KCNQ3: variants seen among roughly 807,000 people sequenced by gnomAD.
KCNQ3 encodes the protein potassium voltage-gated channel subfamily Q member 3.
In KCNQ3, 30 loss-of-function variants were observed where a neutral mutation model predicts 92.5. The ratio of observed to expected loss-of-function variants is 0.32; its 90% CI spans 0.24 to 0.44. The LOEUF is 0.44. Among genes scored for constraint, KCNQ3 ranks in the 20% least tolerant of loss-of-function variants. KCNQ3 has a pLI of 1.00. For missense variants in KCNQ3, 913 were observed against 1,140.3 expected, an observed-to-expected ratio of 0.80 and a Z score of 2.87; for synonymous variants, 450 against 468.8, an observed-to-expected ratio of 0.96 and a Z score of 0.52.
At position 132,123,519 on chromosome 8, in the gene KCNQ3, G is replaced by C. The variant is rs1186538348; in HGVS notation, c.*5743C>G. 6.6e-6 allele frequency: 1 copy of C among 152,218 alleles called. No individual in the cohort carries two copies. Among genetic ancestry groups the C allele is most frequent in the African/African-American group, 2.4e-5 (1 of 41,460 alleles). 9.4% of individuals were successfully genotyped at this position (152,218 alleles called of 1,614,324 possible). A position where few individuals can be genotyped will look rare whatever the true frequency, so the allele number is the denominator to read the frequency against. On this transcript the variant is annotated 3_prime_UTR_variant, in exon 15 of 15. Coordinates refer to ENST00000388996, the MANE Select transcript of KCNQ3 (RefSeq NM_004519.4). ...TATGTCCGGTTTAACAGTTTCTCAA[G>C]TGGGCCAGGAAGTTCTTTTTCATGT...
At chr8:132,134,549 A>G (rs1404822689) in intron 12 of KCNQ3, among the ~76,000 whole-genome samples, 161 bp from the exon 13 acceptor site, 1 of 118,732 alleles carries the variant, frequency 8.4e-6, no homozygotes. Flanking sequence ...GGAGAGGAGA[A>G]GTGAGGAGAG....
intron 1 of KCNQ3, among the ~76,000 whole-genome samples, chr8:132,329,266 C>G (rs1170416287): frequency 6.6e-6 from 1 of 152,158 alleles, no homozygotes; most frequent in Non-Finnish European, 1.5e-5. Flanking sequence ...GGGTGAGGCA[C>G]CCCCAAGTGC....
intron 1 of KCNQ3, among the ~76,000 whole-genome samples, chr8:132,439,910 C>A (rs756014818): frequency 1.3e-5 from 2 of 152,300 alleles, no homozygotes; most frequent in African/African-American, 2.4e-5. Context: ...TAGGAAACTA[C>A]AGTCATCCTT....
chr8:132,163,443 A>T, intron 9 of KCNQ3, 25 bp downstream of exon 9: 1 of 1,599,542 alleles, frequency 6.3e-7, no homozygotes, highest in Non-Finnish European at 8.6e-7. Context: ...GATGTGAAGA[A>T]GGGAATTCAT....
intron 1 of KCNQ3, among the ~76,000 whole-genome samples, chr8:132,328,783 AG>A (rs1312808711): frequency 6.6e-6 from 1 of 152,106 alleles, no homozygotes; most frequent in Non-Finnish European, 1.5e-5. Context: ...GGTTCCTAAA[AG>A]TATCCACTCT....
intron 9 of KCNQ3, among the ~76,000 whole-genome samples, chr8:132,142,533 G>C (rs183257317): frequency 6.6e-6 from 1 of 152,126 alleles, no homozygotes; most frequent in African/African-American, 2.4e-5. Context: ...TAGTGAGCAC[G>C]AAGGATAAAG....
chr8:132,422,380 C>T (rs1377705269), intron 1 of KCNQ3, among the ~76,000 whole-genome samples: 1 of 152,186 alleles, frequency 6.6e-6, no homozygotes, highest in Non-Finnish European at 1.5e-5. Context: ...TGGTTCCCCA[C>T]TAAGACTCAG....
intron 1 of KCNQ3, among the ~76,000 whole-genome samples, chr8:132,360,742 A>T (rs1180417125): frequency 6.6e-6 from 1 of 152,198 alleles, no homozygotes; most frequent in East Asian, 1.9e-4. Context: ...TTCACGGTCC[A>T]TACCTCCCTT....
intron 1 of KCNQ3, among the ~76,000 whole-genome samples, chr8:132,421,699 G>A (rs922468544): frequency 2.6e-5 from 4 of 152,098 alleles, no homozygotes; most frequent in African/African-American, 4.8e-5. Flanking sequence ...ACAAACCTCC[G>A]TAAGCAGGAA....
chr8:132,231,014 T>G (rs1223347987), intron 1 of KCNQ3, among the ~76,000 whole-genome samples: 1 of 152,006 alleles, frequency 6.6e-6, no homozygotes, highest in Non-Finnish European at 1.5e-5. Context: ...AAAGGGAACA[T>G]TTGGACACAG....
rs1358376163 is a variant in KCNQ3 at position 132,159,459 on chromosome 8, C to T, written c.1262+4009G>A. Among the ~76,000 whole-genome samples the T allele has an allele frequency of 9.2e-5, 14 of 152,280 alleles. No homozygotes were observed. In the South Asian group the frequency reaches 2.9e-3, roughly 32 times the overall value. ...AGAGCTTAGACAGTAGCGGCTTTTA[C>T]TCTTCAAGGGGTAGAGATTGTCCAG... On this transcript the variant is annotated intron_variant, in intron 9 of 14. Coordinates refer to ENST00000388996, the MANE Select transcript of KCNQ3 (RefSeq NM_004519.4).
chr8:132,427,719 A>G lies in KCNQ3; in HGVS notation c.386+52428T>C, dbSNP rs573696430. Among the ~76,000 whole-genome samples, 181 of 152,220 alleles carry G rather than the reference A, an allele frequency of 1.2e-3. 1 individual carries two copies. The highest frequency in any genetic ancestry group is 4.3e-3 in the African/African-American group (178 of 41,540). ...TCTCCAGAATTACCTGGTGAGGTGG[A>G]GCTCCCCAGCTCTGCCACAGGCAAG... On this transcript the variant is annotated intron_variant, in intron 1 of 14. Transcript: ENST00000388996.
At chr8:132,409,947 T>C (rs1820605432) in intron 1 of KCNQ3, among the ~76,000 whole-genome samples, 1 of 152,192 alleles carries the variant, frequency 6.6e-6, no homozygotes, top group Admixed American at 6.5e-5. Flanking sequence ...ACTGAATTTT[T>C]GCCTGTCAAA....
At chr8:132,465,722 C>T (rs1266024903) in intron 1 of KCNQ3, among the ~76,000 whole-genome samples, 2 of 151,610 alleles carry the variant, frequency 1.3e-5, no homozygotes, top group Non-Finnish European at 2.9e-5. Flanking sequence ...CCAGCCTGGG[C>T]AACAGAGCGA....
intron 1 of KCNQ3, among the ~76,000 whole-genome samples, chr8:132,309,943 T>C (rs1217684948): frequency 6.6e-6 from 1 of 152,236 alleles, no homozygotes; most frequent in East Asian, 1.9e-4. Flanking sequence ...CTTGTACTAT[T>C]AATTACTTTA....
intron 1 of KCNQ3, among the ~76,000 whole-genome samples, chr8:132,189,828 A>G (rs1827103749): frequency 7.1e-6 from 1 of 140,592 alleles, no homozygotes; most frequent in Non-Finnish European, 1.5e-5. Context: ...ACTCCATCTC[A>G]AAAAAAAAAA....
At chr8:132,130,479 T>C (rs1445001996) in intron 14 of KCNQ3, among the ~76,000 whole-genome samples, 1 of 152,204 alleles carries the variant, frequency 6.6e-6, no homozygotes, top group Non-Finnish European at 1.5e-5. Context: ...TGCCTCCTAC[T>C]TGCAAGCCTT....
At chr8:132,184,499 TG>T in intron 2 of KCNQ3, 132 bp from the exon 3 acceptor site, 1 of 641,066 alleles carries the variant, frequency 1.6e-6, no homozygotes, top group Non-Finnish European at 2.7e-6. Flanking sequence ...CAGGGATGGC[TG>T]GGGATGGGGG....
chr8:132,178,888 T>C (rs144310303), intron 4 of KCNQ3, among the ~76,000 whole-genome samples: 48 of 150,800 alleles, frequency 3.2e-4, no homozygotes, highest in African/African-American at 1.1e-3. Flanking sequence ...GAAAGGGATT[T>C]CAGTGTATGT....
Sources: gnomAD v4.1 joint callset for allele counts (sites outside exome capture counted in the v4.1 genomes callset) on GRCh38, gnomAD v4.1.1 for gene constraint, MANE v1.5 for transcripts, NCBI Gene and HGNC (gene_info 2026-07-23, HGNC 2026-07-21) for gene names.